Variants in RUNX1 observed in about 807,000 individuals in gnomAD.
The protein encoded by RUNX1 is runt-related transcription factor 1.
Under a neutral mutation model 42.8 loss-of-function variants are expected in RUNX1, and 19 were observed. The ratio of observed to expected loss-of-function variants is 0.44; its 90% CI spans 0.31 to 0.65. The LOEUF is 0.65. Among genes scored for constraint, RUNX1 ranks in the 30% least tolerant of loss-of-function variants. RUNX1 has a pLI of 0.07. For synonymous variants in RUNX1, 271 were observed against 289.4 expected (o/e 0.94, Z 0.64); for missense variants, 528 against 672.0 (o/e 0.79, Z 2.37).
rs1218028552 is a variant in RUNX1 at position 34,790,357 on chromosome 21, T to A, written c.*1778A>T. ...ATAAAAATCAAACACTGTTCTGAAG[T>A]CCTGCTTTCAAATACTCTTCAGAGT... is the stretch of plus-strand genomic sequence containing the variant. On this transcript the variant is annotated 3_prime_UTR_variant, in exon 9 of 9. Coordinates refer to ENST00000675419, the MANE Select transcript of RUNX1 (RefSeq NM_001754.5). 1 of 233,570 alleles carries A rather than the reference T, an allele frequency of 4.3e-6. No homozygotes were observed. Among genetic ancestry groups the A allele is most frequent in the East Asian group, 6.0e-5 (1 of 16,572 alleles). The allele number at this position is 233,570 out of a possible 1,614,324, so 14.5% of individuals were successfully genotyped here.
At chr21:34,926,444 A>T (rs1269090786) in intron 2 of RUNX1, among the ~76,000 whole-genome samples, 1 of 122,532 alleles carries the variant, frequency 8.2e-6, no homozygotes. Context: ...CCTGGGCAAC[A>T]GAGTGAGACC....
At chr21:34,999,732 T>C (rs932756997) in intron 2 of RUNX1, among the ~76,000 whole-genome samples, 1 of 152,134 alleles carries the variant, frequency 6.6e-6, no homozygotes, top group East Asian at 1.9e-4. Context: ...ACATGGAAAA[T>C]GAGTGGAAGA....
At chr21:34,819,067 C>T (rs1464341892) in intron 7 of RUNX1, among the ~76,000 whole-genome samples, 1 of 152,164 alleles carries the variant, frequency 6.6e-6, no homozygotes, top group Admixed American at 6.5e-5. Context: ...ATCCATCTAA[C>T]AAGGGGTCTA....
rs1601532670 is a variant in RUNX1 at position 34,888,611 on chromosome 21, G to T, written c.98-1515C>A. On this transcript the variant is annotated intron_variant, in intron 3 of 8. Coordinates refer to ENST00000675419, the MANE Select transcript of RUNX1 (RefSeq NM_001754.5). ...GGAGCCCCGGAAAGAAGTGCCTGGC[G>T]GCGCAGGGCCGGGCAGCGTGGTGCC... 3 of 1,057,924 alleles carry T rather than the reference G, an allele frequency of 2.8e-6. No individual in the cohort carries two copies. The East Asian group carries it at 1.5e-4, about 54-fold the overall frequency. 65.5% of individuals were successfully genotyped at this position (1,057,924 alleles called of 1,614,324 possible).
At chr21:34,876,409 G>A (rs1007711759) in intron 5 of RUNX1, among the ~76,000 whole-genome samples, 5 of 152,138 alleles carry the variant, frequency 3.3e-5, no homozygotes, top group Admixed American at 6.5e-5. Context: ...TACTATATGC[G>A]GCATAGGGCT....
chr21:34,912,434 G>A (rs1248385565), intron 2 of RUNX1, among the ~76,000 whole-genome samples: 2 of 152,046 alleles, frequency 1.3e-5, no homozygotes, highest in Non-Finnish European at 2.9e-5. Context: ...CCACTTCTGA[G>A]TTTCTGGCAT....
At chr21:34,832,147 C>G (rs759751067) in intron 7 of RUNX1, among the ~76,000 whole-genome samples, 2 of 151,936 alleles carry the variant, frequency 1.3e-5, no homozygotes, top group African/African-American at 4.8e-5. Flanking sequence ...TCAAGAGGAA[C>G]AAAAAAGGGG....
chr21:34,950,714 A>C (rs111563766), intron 2 of RUNX1, among the ~76,000 whole-genome samples: 8,109 of 152,156 alleles, frequency 0.053, 696 homozygotes, highest in African/African-American at 0.18. Context: ...CCAGCCTGGG[A>C]AACAGCTAGA....
intron 2 of RUNX1, among the ~76,000 whole-genome samples, chr21:34,997,905 G>A (rs2059009182): frequency 6.6e-6 from 1 of 152,172 alleles, no homozygotes; most frequent in Non-Finnish European, 1.5e-5. Context: ...CATTTGGGGT[G>A]CATGTGGAAA....
intron 2 of RUNX1, among the ~76,000 whole-genome samples, chr21:34,917,240 A>G (rs1441579539): frequency 2.6e-5 from 4 of 152,192 alleles, no homozygotes; most frequent in Admixed American, 2.6e-4. Context: ...ACTGGGAGAT[A>G]GGGCACATGT....
chr21:35,026,445 T>C (rs142053257), intron 2 of RUNX1, among the ~76,000 whole-genome samples: 1 of 152,262 alleles, frequency 6.6e-6, no homozygotes, highest in Non-Finnish European at 1.5e-5. Context: ...AATCTGGATA[T>C]TGCACTTTGG....
intron 6 of RUNX1, among the ~76,000 whole-genome samples, chr21:34,839,416 T>G (rs2057198756): frequency 1.3e-5 from 2 of 151,678 alleles, no homozygotes; most frequent in Non-Finnish European, 2.9e-5. Flanking sequence ...ACACACACAC[T>G]CGGGATGTAC....
At chr21:34,848,328 A>G (rs1398546179) in intron 6 of RUNX1, among the ~76,000 whole-genome samples, 2 of 152,224 alleles carry the variant, frequency 1.3e-5, no homozygotes, top group Non-Finnish European at 2.9e-5. Context: ...TCCCCTAGCA[A>G]GAGAGGTATC....
intron 3 of RUNX1, chr21:34,887,323 G>A (rs1189353165): frequency 4.9e-5 from 71 of 1,455,534 alleles, no homozygotes; most frequent in Non-Finnish European, 6.4e-5. Flanking sequence ...TGGTTCTGCG[G>A]ATCGGCCTCT....
rs377766157 is a variant in RUNX1, at chr21:34,888,505, C to CAA, written c.98-1411_98-1410dup. ...ATTCAAAAGGAAGAAAGGGGAAAAA[C>CAA]AAAAAAAAACAACAAAAAAAGGAAG... On this transcript the variant is annotated intron_variant, in intron 3 of 8. Coordinates refer to ENST00000675419, the MANE Select transcript of RUNX1 (RefSeq NM_001754.5). The CAA allele has an allele frequency of 4.6e-5, 49 of 1,056,304 alleles. No individual in the cohort carries two copies. In the African/African-American group the frequency reaches 6.5e-4, roughly 14 times the overall value. 65.4% of individuals were successfully genotyped at this position (1,056,304 alleles called of 1,614,324 possible).
chr21:34,960,884 G>A (rs2058677154), intron 2 of RUNX1, among the ~76,000 whole-genome samples: 1 of 152,166 alleles, frequency 6.6e-6, no homozygotes, highest in Non-Finnish European at 1.5e-5. Context: ...GGAAGATTAG[G>A]AGGAGTCTGC....
intron 7 of RUNX1, among the ~76,000 whole-genome samples, chr21:34,825,863 T>C (rs980606829): frequency 7.9e-5 from 12 of 152,236 alleles, no homozygotes; most frequent in African/African-American, 2.9e-4. Flanking sequence ...AAGGAGGCCA[T>C]ATAAAGAGGG....
At chr21:34,882,394 C>T (rs959518608) in intron 4 of RUNX1, among the ~76,000 whole-genome samples, 8 of 152,216 alleles carry the variant, frequency 5.3e-5, no homozygotes, top group African/African-American at 1.7e-4. Flanking sequence ...AATCTAGTCT[C>T]ATAGAAGCAG....
chr21:34,892,731 G>T (rs2058093953), intron 3 of RUNX1, among the ~76,000 whole-genome samples, 194 bp downstream of exon 3: 1 of 152,106 alleles, frequency 6.6e-6, no homozygotes, highest in South Asian at 2.1e-4. Context: ...AGCTTTCATT[G>T]AAATATTTTA....
Sources: allele counts gnomAD v4.1 joint callset (sites outside exome capture counted in the v4.1 genomes callset), GRCh38; gene constraint gnomAD v4.1.1; transcripts MANE v1.5; gene names NCBI Gene and HGNC (gene_info 2026-07-23, HGNC 2026-07-21).